The following MLLT10 variants were observed in gnomAD, a reference collection of about 807,000 sequenced individuals.
The protein encoded by MLLT10 is protein AF-10.
In MLLT10, 30 loss-of-function variants were observed where a neutral mutation model predicts 129.1. That is an observed-to-expected ratio of 0.23 (90% CI 0.17 to 0.32). The LOEUF (loss-of-function observed/expected upper bound fraction) is 0.32. Ranked by LOEUF, MLLT10 falls within the 10% of genes least tolerant of loss-of-function variation. MLLT10 has a pLI of 1.00. For missense variants in MLLT10, 1,119 were observed against 1,268.3 expected (o/e 0.88, Z 1.79); for synonymous variants, 490 against 446.4 (o/e 1.10, Z -1.23).
chr10:21,583,621 G>A (rs151232268), intron 3 of MLLT10, among the ~76,000 whole-genome samples: 2 of 152,212 alleles, frequency 1.3e-5, no homozygotes, highest in African/African-American at 4.8e-5. Flanking sequence ...GGGGCAGTGG[G>A]AATGGGGACC....
intron 9 of MLLT10, among the ~76,000 whole-genome samples, chr10:21,658,807 G>A (rs1292751006): frequency 6.6e-6 from 1 of 152,112 alleles, no homozygotes; most frequent in Non-Finnish European, 1.5e-5. Context: ...GGGACTACAG[G>A]CGCCTACCAC....
rs1833898724 is a variant in MLLT10 at position 21,743,291 on chromosome 10, T to C, written c.*1308T>C. ...TAAACATTGCACAGTTCTTACCTCA[T>C]TTCTGTAAATAAAGTTTTGTGAATC... On this transcript the variant is annotated 3_prime_UTR_variant, in exon 23 of 23. Transcript: ENST00000307729. 4.4e-6 allele frequency: 1 copy of C among 225,108 alleles called. No individual in the cohort carries two copies. Among genetic ancestry groups the C allele is most frequent in the African/African-American group, 2.2e-5 (1 of 44,922 alleles). 13.9% of individuals were successfully genotyped at this position (225,108 alleles called of 1,614,324 possible). A position where few individuals can be genotyped will look rare whatever the true frequency, so the allele number is the denominator to read the frequency against.
intron 3 of MLLT10, among the ~76,000 whole-genome samples, chr10:21,563,555 G>T (rs777832055): frequency 7.2e-5 from 11 of 151,980 alleles, no homozygotes; most frequent in Non-Finnish European, 4.4e-5. Flanking sequence ...AACTTTCTGG[G>T]ATTGAGTTTT....
intron 3 of MLLT10, among the ~76,000 whole-genome samples, chr10:21,567,693 G>C (rs954715302): frequency 1.3e-5 from 2 of 152,120 alleles, no homozygotes; most frequent in African/African-American, 4.8e-5. Context: ...TGCTGGTATG[G>C]GTGGGGCTAG....
chr10:21,559,202 G>C (rs1328510720), intron 3 of MLLT10, among the ~76,000 whole-genome samples: 1 of 152,196 alleles, frequency 6.6e-6, no homozygotes, highest in African/African-American at 2.4e-5. Flanking sequence ...TCCTGCCTCA[G>C]CCTCCCAGGA....
intron 4 of MLLT10, among the ~76,000 whole-genome samples, chr10:21,587,729 G>A (rs11598409): frequency 0.024 from 3,643 of 152,154 alleles, 51 homozygotes; most frequent in Middle Eastern, 0.055. Flanking sequence ...GTAAATAAAA[G>A]GGAAAAATAG....
intron 13 of MLLT10, among the ~76,000 whole-genome samples, chr10:21,712,230 A>G (rs551394327): frequency 2.7e-5 from 1 of 37,134 alleles, no homozygotes; most frequent in African/African-American, 2.3e-4. Flanking sequence ...ATTTTTAAAG[A>G]CAGAGTCTTG....
intron 13 of MLLT10, among the ~76,000 whole-genome samples, chr10:21,713,298 T>C (rs1203947685): frequency 6.6e-6 from 1 of 152,206 alleles, no homozygotes; most frequent in Non-Finnish European, 1.5e-5. Flanking sequence ...GAATTTCAAG[T>C]TGGGCCTGTT....
intron 12 of MLLT10, 34 bp downstream of exon 12, chr10:21,681,410 T>A (rs771570945): frequency 6.8e-7 from 1 of 1,464,748 alleles, no homozygotes; most frequent in South Asian, 1.1e-5. Flanking sequence ...AACCCGGGCC[T>A]TTTGTCTCCT....
chr10:21,606,100 G>T (rs1174930350), intron 5 of MLLT10, among the ~76,000 whole-genome samples: 1 of 152,042 alleles, frequency 6.6e-6, no homozygotes, highest in Non-Finnish European at 1.5e-5. Context: ...TATGATCCGT[G>T]ACCTTTGACG....
At chr10:21,619,952 G>A (rs1269467677) in intron 8 of MLLT10, among the ~76,000 whole-genome samples, 3 of 123,164 alleles carry the variant, frequency 2.4e-5, no homozygotes, top group Non-Finnish European at 3.3e-5. Flanking sequence ...TTTTTTTGTC[G>A]CTTAGGCTGG....
chr10:21,620,771 A>C (rs974751647), intron 8 of MLLT10, among the ~76,000 whole-genome samples: 3 of 151,698 alleles, frequency 2.0e-5, no homozygotes, highest in Non-Finnish European at 4.4e-5. Context: ...GCTCCCTGCA[A>C]CCTCCGTCTC....
intron 8 of MLLT10, among the ~76,000 whole-genome samples, chr10:21,631,313 C>CAAA (rs991306894): frequency 1.4e-3 from 65 of 47,630 alleles, no homozygotes; most frequent in African/African-American, 2.5e-3. Flanking sequence ...GACTCCGTCT[C>CAAA]AAAAAAAAAA....
intron 3 of MLLT10, among the ~76,000 whole-genome samples, chr10:21,567,118 A>G (rs1050187309): frequency 6.6e-6 from 1 of 151,922 alleles, no homozygotes; most frequent in African/African-American, 2.4e-5. Flanking sequence ...CGGCCTTGGT[A>G]TCTTTTTGGT....
intron 16 of MLLT10, 65 bp downstream of exon 16, chr10:21,727,993 TC>T (rs1261870131): frequency 1.5e-6 from 2 of 1,337,506 alleles, no homozygotes; most frequent in African/African-American, 2.9e-5. Context: ...AACTTTCTTA[TC>T]TCATATCAGT....
At position 21,629,580 on chromosome 10, in the gene MLLT10, TA is replaced by T. The variant is rs1480706574; in HGVS notation, c.699+12374del. On this transcript the variant is annotated intron_variant, in intron 8 of 22. Transcript: ENST00000307729. Reference sequence around the variant, plus strand: ...GATGAGTCTAGCCTGAAATAAATAATAGTTGACAAAAGGTAATTTTCTAATT... The same window carrying T: ...GATGAGTCTAGCCTGAAATAAATAATGTTGACAAAAGGTAATTTTCTAATT... Among the ~76,000 whole-genome samples, 6 of 152,304 alleles carry T rather than the reference TA, an allele frequency of 3.9e-5. No homozygotes were observed. In the East Asian group the frequency reaches 1.2e-3, roughly 29 times the overall value.
rs904324066 is a variant in MLLT10, at chr10:21,677,587, A to G, written c.1621+3668A>G. Among the ~76,000 whole-genome samples the G allele has an allele frequency of 4.6e-5, 7 of 152,320 alleles. No individual in the cohort carries two copies. In the East Asian group the frequency reaches 1.2e-3, roughly 25 times the overall value. ...ATGCTATGCAAATAGTTGTTATACTATATTGCTTAGGGAATCATGACAGGA... is the reference window on the plus strand; with the variant it reads ...ATGCTATGCAAATAGTTGTTATACTGTATTGCTTAGGGAATCATGACAGGA... On this transcript the variant is annotated intron_variant, in intron 11 of 22. Coordinates refer to ENST00000307729, the MANE Select transcript of MLLT10 (RefSeq NM_001195626.3).
chr10:21,624,418 G>C (rs1185205688), intron 8 of MLLT10, among the ~76,000 whole-genome samples: 1 of 147,960 alleles, frequency 6.8e-6, no homozygotes, highest in Non-Finnish European at 1.5e-5. Context: ...TTTATGAAAA[G>C]AGGAAAAATA....
At chr10:21,717,041 G>T (rs1014208622) in intron 14 of MLLT10, among the ~76,000 whole-genome samples, 1 of 151,984 alleles carries the variant, frequency 6.6e-6, no homozygotes, top group Non-Finnish European at 1.5e-5. Flanking sequence ...TGGATCACCT[G>T]AGGTTAGGAG....
Sources: allele counts gnomAD v4.1 joint callset (sites outside exome capture counted in the v4.1 genomes callset), GRCh38; gene constraint gnomAD v4.1.1; transcripts MANE v1.5; gene names NCBI Gene and HGNC (gene_info 2026-07-23, HGNC 2026-07-21).